The following MAD1L1 variants were observed in gnomAD, a reference collection of about 807,000 sequenced individuals.
MAD1L1 encodes the protein mitotic spindle assembly checkpoint protein MAD1.
In MAD1L1, 95 loss-of-function variants were observed where a neutral mutation model predicts 96.9. The ratio of observed to expected loss-of-function variants is 0.98; its 90% confidence interval spans 0.83 to 1.16. The LOEUF (loss-of-function observed/expected upper bound fraction) is 1.16, where lower values mean the gene tolerates loss of function less well. MAD1L1 is among the 50% of genes most tolerant of loss of function. The probability of loss-of-function intolerance (pLI) is 0.00; values close to 1 mark genes in which losing one functional copy is unlikely to be tolerated. For synonymous variants in MAD1L1, 473 were observed against 396.6 expected (o/e 1.19, Z -2.29); for missense variants, 1,007 against 954.4 (o/e 1.06, Z -0.73).
chr7:2,133,979 C>T (rs1014673819), intron 11 of MAD1L1, among the ~76,000 whole-genome samples: 7 of 152,184 alleles, frequency 4.6e-5, no homozygotes, highest in Admixed American at 3.3e-4. Context: ...GTCAGTTTTC[C>T]GGTGTTGTTC....
chr7:2,058,954 G>A (rs1332664596), intron 12 of MAD1L1, among the ~76,000 whole-genome samples: 1 of 98,676 alleles, frequency 1.0e-5, no homozygotes, highest in African/African-American at 4.6e-5. Context: ...GGAGAGGCGC[G>A]GGGCTAGAGT....
At chr7:1,966,040 T>G (rs1780153418) in intron 15 of MAD1L1, among the ~76,000 whole-genome samples, 1 of 152,194 alleles carries the variant, frequency 6.6e-6, no homozygotes, top group South Asian at 2.1e-4. Flanking sequence ...CGTCCCTGGG[T>G]TGGCCTGTGC....
intron 11 of MAD1L1, among the ~76,000 whole-genome samples, chr7:2,075,242 C>A (rs1421726150): frequency 6.6e-6 from 1 of 152,174 alleles, no homozygotes; most frequent in Non-Finnish European, 1.5e-5. Flanking sequence ...CCTAAAGGCC[C>A]CCCATCTAGC....
intron 12 of MAD1L1, among the ~76,000 whole-genome samples, chr7:2,020,256 G>C (rs1562613621): frequency 1.3e-5 from 2 of 152,062 alleles, no homozygotes; most frequent in African/African-American, 2.4e-5. Context: ...TCCATGATCG[G>C]GGGGGGCACT....
chr7:1,981,372 G>A (rs183998443), intron 14 of MAD1L1, among the ~76,000 whole-genome samples: 18 of 152,328 alleles, frequency 1.2e-4, no homozygotes, highest in Admixed American at 6.5e-4. Flanking sequence ...GCTCAAGGAA[G>A]AGCAGGGCAC....
intron 11 of MAD1L1, among the ~76,000 whole-genome samples, chr7:2,094,660 C>CT (rs1051577848): frequency 1.4e-5 from 2 of 139,084 alleles, no homozygotes; most frequent in African/African-American, 3.0e-5. Flanking sequence ...AGGAGCGGGG[C>CT]TGGCAGGTGA....
chr7:2,043,780 G>A (rs1024888638), intron 12 of MAD1L1, among the ~76,000 whole-genome samples: 1 of 152,218 alleles, frequency 6.6e-6, no homozygotes, highest in Non-Finnish European at 1.5e-5. Flanking sequence ...CTGAGGCAGG[G>A]GCCTCTGCCC....
intron 10 of MAD1L1, among the ~76,000 whole-genome samples, chr7:2,209,647 G>C (rs180902259): frequency 1.3e-5 from 2 of 152,200 alleles, no homozygotes; most frequent in African/African-American, 4.8e-5. Context: ...TCACCAAGGC[G>C]GGGGCACCAC....
At chr7:1,873,985 A>G (rs1452266839) in intron 18 of MAD1L1, among the ~76,000 whole-genome samples, 1 of 151,536 alleles carries the variant, frequency 6.6e-6, no homozygotes, top group African/African-American at 2.4e-5. Flanking sequence ...CGCCAGGGTC[A>G]GTTCCGGTGG....
At chr7:2,187,514 A>G (rs1183211215) in intron 10 of MAD1L1, among the ~76,000 whole-genome samples, 1 of 152,204 alleles carries the variant, frequency 6.6e-6, no homozygotes, top group East Asian at 1.9e-4. Flanking sequence ...CTGGACTGCA[A>G]TGGCTACTGA....
At chr7:1,912,855 T>G (rs1417526567) in intron 17 of MAD1L1, among the ~76,000 whole-genome samples, 1 of 152,126 alleles carries the variant, frequency 6.6e-6, no homozygotes, top group Non-Finnish European at 1.5e-5. Context: ...CAGCAGCTGG[T>G]CCGTGGAGAG....
chr7:2,019,039 C>G lies in MAD1L1; in HGVS notation c.1219-4397G>C, dbSNP rs570389780. 3.9e-5 allele frequency among the ~76,000 whole-genome samples: 6 copies of G among 152,302 alleles called. No individual in the cohort carries two copies. The South Asian group carries it at 1.0e-3, about 26-fold the overall frequency. ...AAAGCCCTGTTCTAATTACCTCTCC[C>G]GACGCATGGAGCCACCACAAGAAAC... On this transcript the variant is annotated intron_variant, in intron 12 of 18. Transcript: ENST00000265854.
At chr7:1,926,759 A>G (rs1789113610) in intron 17 of MAD1L1, among the ~76,000 whole-genome samples, 1 of 152,164 alleles carries the variant, frequency 6.6e-6, no homozygotes, top group Non-Finnish European at 1.5e-5. Context: ...CCACAAATAA[A>G]CTGCAGCTAG....
chr7:2,194,267 G>A (rs962660507), intron 10 of MAD1L1, among the ~76,000 whole-genome samples: 2 of 152,160 alleles, frequency 1.3e-5, no homozygotes, highest in African/African-American at 4.8e-5. Context: ...GCCTCTGCAT[G>A]GATTTTTTAA....
chr7:1,816,143 C>A lies in MAD1L1; in HGVS notation c.2084G>T (p.Arg695Leu), dbSNP rs775755086. 3 of 1,613,116 alleles carry A rather than the reference C, an allele frequency of 1.9e-6. No homozygotes were observed. Among genetic ancestry groups the A allele is most frequent in the African/African-American group, 2.7e-5 (2 of 74,894 alleles). ...GAAGGCAGGGATGCTGTCCTGGCGCCGCAGGTGCACCTCGATGAGCTCGCC... is the reference window on the plus strand; with the variant it reads ...GAAGGCAGGGATGCTGTCCTGGCGCAGCAGGTGCACCTCGATGAGCTCGCC... ...TVGELIEVHL[R>L]RQDSIPAFLS... The change falls in exon 19 of 19, where the codon CGG becomes CTG. Residue 695 changes from arginine (R) to leucine (L), a missense_variant. Arg to Leu is a moderately radical substitution (Grantham distance 102). Transcript: ENST00000265854.
intron 15 of MAD1L1, among the ~76,000 whole-genome samples, chr7:1,958,827 C>T (rs1211367391): frequency 1.3e-5 from 2 of 152,190 alleles, no homozygotes; most frequent in African/African-American, 2.4e-5. Flanking sequence ...ACAGTTCAGA[C>T]TCGGAAGAGA....
chr7:1,956,309 A>C (rs1334408078), intron 16 of MAD1L1, among the ~76,000 whole-genome samples: 2 of 152,008 alleles, frequency 1.3e-5, no homozygotes, highest in Non-Finnish European at 2.9e-5. Flanking sequence ...GAAGTTTCCA[A>C]CACTCCACAG....
intron 1 of MAD1L1, among the ~76,000 whole-genome samples, chr7:2,232,590 G>C (rs1265533529): frequency 2.0e-5 from 3 of 152,172 alleles, no homozygotes; most frequent in Admixed American, 6.5e-5. Context: ...GCCCGCCCTG[G>C]CACAAGGGAC....
intron 5 of MAD1L1, among the ~76,000 whole-genome samples, 169 bp from the exon 6 acceptor site, chr7:2,219,625 GGGTAGGGGGGCAGAGC>G (rs1412641472): frequency 6.3e-5 from 9 of 142,470 alleles, no homozygotes; most frequent in Non-Finnish European, 9.4e-5. Context: ...TCGGGCAGAG[GGGTAGGGGGGCAGAGC>G]GGTAGGGGGG....
Sources: gnomAD v4.1 joint callset for allele counts (sites outside exome capture counted in the v4.1 genomes callset) on GRCh38, gnomAD v4.1.1 for gene constraint, MANE v1.5 for transcripts, NCBI Gene and HGNC (gene_info 2026-07-23, HGNC 2026-07-21) for gene names.